The following CNTN5 variants were observed in gnomAD, a reference collection of about 807,000 sequenced individuals.
CNTN5 encodes contactin-5.
Under a neutral mutation model 129.1 loss-of-function variants are expected in CNTN5, and 77 were observed. That is an observed-to-expected ratio of 0.60 (90% confidence interval 0.50 to 0.72). CNTN5 has a LOEUF of 0.72. Among genes scored for constraint, CNTN5 ranks in the 30% least tolerant of loss-of-function variants. CNTN5 has a pLI of 0.00. For missense variants in CNTN5, 1,478 were observed against 1,328.8 expected (o/e 1.11, Z -1.75); for synonymous variants, 509 against 465.6 (o/e 1.09, Z -1.20).
At chr11:99,504,374 C>G (rs1946537521) in intron 2 of CNTN5, among the ~76,000 whole-genome samples, 1 of 151,738 alleles carries the variant, frequency 6.6e-6, no homozygotes, top group Admixed American at 6.6e-5. Context: ...AACCCCGTCT[C>G]TACTAAAGTA....
At chr11:100,091,594 AT>A (rs907897959) in intron 13 of CNTN5, among the ~76,000 whole-genome samples, 14 of 151,156 alleles carry the variant, frequency 9.3e-5, no homozygotes, top group Non-Finnish European at 5.9e-5. Context: ...ATGCCCAGCT[AT>A]TTTTTGTATT....
chr11:99,642,554 G>T (rs924370807), intron 3 of CNTN5, among the ~76,000 whole-genome samples: 3 of 152,138 alleles, frequency 2.0e-5, no homozygotes, highest in African/African-American at 7.2e-5. Context: ...ATCGTGTAAT[G>T]AACAATTCAG....
At chr11:99,758,923 A>G (rs372939721) in intron 3 of CNTN5, among the ~76,000 whole-genome samples, 1 of 152,240 alleles carries the variant, frequency 6.6e-6, no homozygotes, top group East Asian at 1.9e-4. Flanking sequence ...TGGTTTCAAT[A>G]TATGGTATTT....
chr11:100,302,674 A>G (rs1017879308), intron 20 of CNTN5, among the ~76,000 whole-genome samples: 2 of 151,564 alleles, frequency 1.3e-5, no homozygotes, highest in African/African-American at 4.8e-5. Context: ...AGGGAAGCAG[A>G]GAACAGAAAA....
intron 1 of CNTN5, among the ~76,000 whole-genome samples, chr11:99,226,959 G>A (rs562537955): frequency 1.3e-5 from 2 of 152,198 alleles, no homozygotes; most frequent in East Asian, 3.9e-4. Context: ...ATCCCATAAG[G>A]ATTTCACAGT....
At chr11:99,470,005 G>A (rs1945110561) in intron 2 of CNTN5, among the ~76,000 whole-genome samples, 1 of 152,080 alleles carries the variant, frequency 6.6e-6, no homozygotes, top group South Asian at 2.1e-4. Context: ...AAGAAACTGA[G>A]GTTCAAAGAG....
intron 15 of CNTN5, 49 bp from the exon 16 acceptor site, chr11:100,224,643 A>G: frequency 6.3e-7 from 1 of 1,577,496 alleles, no homozygotes; most frequent in Non-Finnish European, 8.7e-7. Flanking sequence ...GCCACCTTGA[A>G]CTAGGCAGAT....
At chr11:99,954,829 A>C (rs1052839810) in intron 7 of CNTN5, among the ~76,000 whole-genome samples, 11 of 152,146 alleles carry the variant, frequency 7.2e-5, no homozygotes, top group Admixed American at 6.5e-4. Flanking sequence ...ACTTCTTGGA[A>C]TTATGAAATG....
intron 2 of CNTN5, among the ~76,000 whole-genome samples, chr11:99,335,363 T>A (rs1866175961): frequency 6.6e-6 from 1 of 152,146 alleles, no homozygotes; most frequent in African/African-American, 2.4e-5. Flanking sequence ...TCTGGAGTCA[T>A]GTTACCTATA....
intron 3 of CNTN5, among the ~76,000 whole-genome samples, chr11:99,617,591 T>A (rs560545146): frequency 1.3e-5 from 2 of 152,172 alleles, no homozygotes; most frequent in Non-Finnish European, 2.9e-5. Flanking sequence ...TGACAACTTA[T>A]GAAACATTTT....
chr11:100,014,431 T>C (rs1448129016), intron 9 of CNTN5, among the ~76,000 whole-genome samples: 1 of 151,938 alleles, frequency 6.6e-6, no homozygotes, highest in Non-Finnish European at 1.5e-5. Flanking sequence ...CTCTCTTACC[T>C]CTGCTGCAAA....
Position 99,500,996 on chromosome 11 carries a change from C to T in CNTN5, c.-70-55149C>T, listed in dbSNP as rs546921401. Among the ~76,000 whole-genome samples the T allele has an allele frequency of 1.0e-3, 153 of 152,148 alleles. 1 individual carries two copies. Among genetic ancestry groups the T allele is most frequent in the African/African-American group, 3.5e-3 (145 of 41,520 alleles). On this transcript the variant is annotated intron_variant, in intron 2 of 24. Coordinates refer to ENST00000524871, the MANE Select transcript of CNTN5 (RefSeq NM_014361.4). ...AGAAATTTGTGTGCACAGTGAAGAT[C>T]CTTGATATATGCACCATGCATACAT...
chr11:99,948,888 G>T (rs887003619), intron 7 of CNTN5, among the ~76,000 whole-genome samples: 6 of 152,150 alleles, frequency 3.9e-5, no homozygotes, highest in African/African-American at 1.4e-4. Context: ...CTGGAAAATC[G>T]TGCTTCCTGC....
intron 6 of CNTN5, among the ~76,000 whole-genome samples, chr11:99,852,178 A>G (rs1947894538): frequency 6.6e-6 from 1 of 152,156 alleles, no homozygotes; most frequent in South Asian, 2.1e-4. Flanking sequence ...GGAAATCACA[A>G]CTCACAATAA....
chr11:99,124,402 T>C (rs1179634551), intron 1 of CNTN5, among the ~76,000 whole-genome samples: 1 of 152,112 alleles, frequency 6.6e-6, no homozygotes, highest in African/African-American at 2.4e-5. Flanking sequence ...TTGCTAAAGT[T>C]GTTGGTAATT....
At chr11:100,029,364 T>C (rs1187926900) in intron 9 of CNTN5, among the ~76,000 whole-genome samples, 2 of 151,262 alleles carry the variant, frequency 1.3e-5, no homozygotes, top group Non-Finnish European at 3.0e-5. Flanking sequence ...GGGTGGATCA[T>C]GAGGTCAGGA....
intron 7 of CNTN5, among the ~76,000 whole-genome samples, chr11:99,922,228 G>C (rs1182324776): frequency 6.6e-6 from 1 of 152,160 alleles, no homozygotes; most frequent in Non-Finnish European, 1.5e-5. Flanking sequence ...AAAGCCACCA[G>C]ATCTTGTGAG....
chr11:99,174,112 C>T (rs904064422), intron 1 of CNTN5, among the ~76,000 whole-genome samples: 4 of 152,216 alleles, frequency 2.6e-5, no homozygotes, highest in South Asian at 2.1e-4. Context: ...GATCTTCCTG[C>T]CTCAGCCTCC....
chr11:99,133,044 G>A (rs1481431111), intron 1 of CNTN5, among the ~76,000 whole-genome samples: 1 of 152,058 alleles, frequency 6.6e-6, no homozygotes. Flanking sequence ...CATGGTATTG[G>A]TACAAAAACA....
Sources: allele counts gnomAD v4.1 joint callset (sites outside exome capture counted in the v4.1 genomes callset), GRCh38; gene constraint gnomAD v4.1.1; transcripts MANE v1.5; gene names NCBI Gene and HGNC (gene_info 2026-07-23, HGNC 2026-07-21).